The following MYO1D variants were observed in gnomAD, a reference collection of about 807,000 sequenced individuals.
MYO1D encodes the protein unconventional myosin-Id.
Under a neutral mutation model 122.0 loss-of-function variants are expected in MYO1D, and 83 were observed. The ratio of observed to expected loss-of-function variants is 0.68; its 90% confidence interval spans 0.57 to 0.82. MYO1D has a LOEUF of 0.82. Ranked by LOEUF, MYO1D falls within the 40% of genes least tolerant of loss-of-function variation. The pLI is 0.00. For synonymous variants in MYO1D, 464 were observed against 446.9 expected (o/e 1.04, Z -0.48); for missense variants, 1,157 against 1,269.5 (o/e 0.91, Z 1.35).
intron 1 of MYO1D, among the ~76,000 whole-genome samples, chr17:32,827,151 T>C (rs1316124774): frequency 6.6e-6 from 1 of 152,188 alleles, no homozygotes; most frequent in Non-Finnish European, 1.5e-5. Flanking sequence ...TGTCCATCGA[T>C]GGATGAACGG....
At chr17:32,563,204 C>CTTTTTTTTTT (rs749819200) in intron 21 of MYO1D, among the ~76,000 whole-genome samples, 20 of 105,128 alleles carry the variant, frequency 1.9e-4, no homozygotes, top group Non-Finnish European at 2.7e-4. Flanking sequence ...TTTTTCTTCT[C>CTTTTTTTTTT]TCTTTTTTTT....
rs182082356 is a variant in MYO1D at position 32,793,623 on chromosome 17, C to T, written c.96-12839G>A. 2.3e-3 allele frequency among the ~76,000 whole-genome samples: 354 copies of T among 152,288 alleles called. 2 individuals are homozygous for T. The highest frequency in any genetic ancestry group is 3.2e-3 in the Non-Finnish European group (220 of 68,024). On this transcript the variant is annotated intron_variant, in intron 1 of 21. Coordinates refer to ENST00000318217, the MANE Select transcript of MYO1D (RefSeq NM_015194.3). ...GCTTTATTTTGATCTTTTGTTAACA[C>T]ACTGAAGCCTAGAATTAACAACTTG...
intron 20 of MYO1D, among the ~76,000 whole-genome samples, chr17:32,628,525 A>G (rs561967276): frequency 1.7e-4 from 26 of 152,308 alleles, no homozygotes; most frequent in African/African-American, 6.0e-4. Context: ...AAAAGTGCCA[A>G]ATTCAGCTTT....
intron 10 of MYO1D, 52 bp from the exon 11 acceptor site, chr17:32,755,714 G>A (rs75695998): frequency 6.6e-7 from 1 of 1,513,412 alleles, no homozygotes; most frequent in Non-Finnish European, 9.0e-7. Context: ...ACCAGGCCAG[G>A]TTAAACCCTG....
chr17:32,803,635 A>C (rs1023405832), intron 1 of MYO1D, among the ~76,000 whole-genome samples: 14 of 152,184 alleles, frequency 9.2e-5, no homozygotes, highest in African/African-American at 3.4e-4. Context: ...GGTCATGACT[A>C]ATCTGAAAGT....
chr17:32,716,688 T>C (rs575557513), intron 15 of MYO1D, among the ~76,000 whole-genome samples: 1 of 152,342 alleles, frequency 6.6e-6, no homozygotes, highest in South Asian at 2.1e-4. Context: ...TGGGTCATCA[T>C]ATGGGTAGTG....
At chr17:32,620,796 T>C (rs2087845496) in intron 20 of MYO1D, among the ~76,000 whole-genome samples, 1 of 152,110 alleles carries the variant, frequency 6.6e-6, no homozygotes, top group Non-Finnish European at 1.5e-5. Flanking sequence ...GTTTCTGATG[T>C]AGGGGGAGGA....
At chr17:32,688,367 A>T (rs964091482) in intron 16 of MYO1D, among the ~76,000 whole-genome samples, 3 of 152,130 alleles carry the variant, frequency 2.0e-5, no homozygotes, top group African/African-American at 7.2e-5. Flanking sequence ...ATGACCTAAA[A>T]CCTTACACGA....
chr17:32,617,467 T>C (rs1233160871), intron 20 of MYO1D, among the ~76,000 whole-genome samples: 1 of 152,152 alleles, frequency 6.6e-6, no homozygotes, highest in Non-Finnish European at 1.5e-5. Flanking sequence ...AGTTTCGCTG[T>C]TGTCTGTTGT....
In MYO1D at chr17:32,575,662, TAA is replaced by T. The variant is rs373598338; in HGVS notation, c.2864+29423_2864+29424del. On this transcript the variant is annotated intron_variant, in intron 21 of 21. Coordinates refer to ENST00000318217, the MANE Select transcript of MYO1D (RefSeq NM_015194.3). ...CATTCCCTCTGGGGTGTGTTTCTCC[TAA>T]CTTTGTTTTCACTCCATTATGTTTC... is the stretch of plus-strand genomic sequence containing the variant. Among the ~76,000 whole-genome samples the T allele has an allele frequency of 4.9e-3, 739 of 152,342 alleles. 8 individuals are homozygous for T. The South Asian group carries it at 0.062, about 13-fold the overall frequency.
intron 16 of MYO1D, among the ~76,000 whole-genome samples, chr17:32,698,778 A>G (rs1318682842): frequency 6.6e-6 from 1 of 152,138 alleles, no homozygotes; most frequent in Non-Finnish European, 1.5e-5. Context: ...TGCTTTAATG[A>G]GCCACTTTTA....
intron 21 of MYO1D, among the ~76,000 whole-genome samples, chr17:32,569,563 A>G (rs2087203992): frequency 6.6e-6 from 1 of 152,216 alleles, no homozygotes; most frequent in Admixed American, 6.5e-5. Context: ...TGAGACTGGG[A>G]ACCGTCACCT....
intron 14 of MYO1D, among the ~76,000 whole-genome samples, chr17:32,730,824 C>G (rs2089629012): frequency 6.6e-6 from 1 of 151,250 alleles, no homozygotes; most frequent in Non-Finnish European, 1.5e-5. Flanking sequence ...AATATTTCTT[C>G]AAATATTGTT....
At chr17:32,873,020 T>A (rs112296891) in intron 1 of MYO1D, among the ~76,000 whole-genome samples, 1 of 152,108 alleles carries the variant, frequency 6.6e-6, no homozygotes, top group Non-Finnish European at 1.5e-5. Context: ...AAAGTAAAAA[T>A]GGTAGGAGAA....
intron 21 of MYO1D, among the ~76,000 whole-genome samples, chr17:32,506,995 A>G (rs1414057561): frequency 6.6e-6 from 1 of 152,242 alleles, no homozygotes; most frequent in Non-Finnish European, 1.5e-5. Context: ...AAATTAAAAA[A>G]AAGTTCATTA....
intron 1 of MYO1D, among the ~76,000 whole-genome samples, chr17:32,784,813 G>C (rs147362318): frequency 6.6e-6 from 1 of 152,214 alleles, no homozygotes; most frequent in Admixed American, 6.5e-5. Flanking sequence ...CCACAGAAAA[G>C]GAAGATACTG....
At chr17:32,586,267 G>A (rs1465594520) in intron 21 of MYO1D, among the ~76,000 whole-genome samples, 2 of 152,126 alleles carry the variant, frequency 1.3e-5, no homozygotes, top group Non-Finnish European at 2.9e-5. Context: ...TAATCTGATA[G>A]AATGATCTCT....
At chr17:32,633,571 G>A (rs1207759172) in intron 20 of MYO1D, among the ~76,000 whole-genome samples, 2 of 151,074 alleles carry the variant, frequency 1.3e-5, no homozygotes, top group African/African-American at 4.9e-5. Flanking sequence ...ATTTTTATTA[G>A]GGTATAACAT....
At chr17:32,671,589 A>G (rs750406743) in intron 16 of MYO1D, among the ~76,000 whole-genome samples, 1 of 152,224 alleles carries the variant, frequency 6.6e-6, no homozygotes, top group Non-Finnish European at 1.5e-5. Flanking sequence ...ATTTTACATA[A>G]GCAAGAGTGG....
Sources: allele counts gnomAD v4.1 joint callset (sites outside exome capture counted in the v4.1 genomes callset), GRCh38; gene constraint gnomAD v4.1.1; transcripts MANE v1.5; gene names NCBI Gene and HGNC (gene_info 2026-07-23, HGNC 2026-07-21).